Variants in CCDC3 observed in about 807,000 individuals in gnomAD.
CCDC3 encodes coiled-coil domain containing 3.
A neutral mutation model predicts 21.4 loss-of-function variants in CCDC3; 24 were observed. That is an observed-to-expected ratio of 1.12 (90% confidence interval 0.81 to 1.58). The LOEUF is 1.58. Among genes scored for constraint, CCDC3 ranks in the 40% most tolerant of loss-of-function variants. CCDC3 has a pLI of 0.00. For missense variants in CCDC3, 425 were observed against 360.9 expected (o/e 1.18, Z -1.44); for synonymous variants, 186 against 166.0 (o/e 1.12, Z -0.93).
chr10:13,033,637 A>C (rs1310838514), intron 5 of CCDC3, among the ~76,000 whole-genome samples: 1 of 152,204 alleles, frequency 6.6e-6, no homozygotes, highest in Non-Finnish European at 1.5e-5. Flanking sequence ...ACTTAAACAA[A>C]TTTACAAGAA....
chr10:12,968,320 G>A (rs901881466), intron 2 of CCDC3, among the ~76,000 whole-genome samples: 20 of 152,224 alleles, frequency 1.3e-4, no homozygotes, highest in East Asian at 1.9e-4. Context: ...AACCTAAGCC[G>A]TGAAAAAGTG....
At chr10:13,050,757 C>T (rs1564333115) in intron 4 of CCDC3, among the ~76,000 whole-genome samples, 1 of 151,956 alleles carries the variant, frequency 6.6e-6, no homozygotes, top group African/African-American at 2.4e-5. Context: ...CCGCGCCCAG[C>T]CTGTATTTAT....
chr10:13,033,603 C>G (rs1300935848), intron 5 of CCDC3, among the ~76,000 whole-genome samples: 2 of 151,942 alleles, frequency 1.3e-5, no homozygotes, highest in Admixed American at 1.3e-4. Context: ...CTGACAAAGG[C>G]CTAATATCCA....
intron 2 of CCDC3, among the ~76,000 whole-genome samples, chr10:12,951,309 T>C (rs753836441): frequency 2.0e-5 from 3 of 152,080 alleles, no homozygotes; most frequent in Non-Finnish European, 4.4e-5. Flanking sequence ...AGAGCTGTGA[T>C]TGCACCACTG....
At chr10:12,941,517 C>T (rs1343754452) in intron 2 of CCDC3, among the ~76,000 whole-genome samples, 1 of 152,154 alleles carries the variant, frequency 6.6e-6, no homozygotes, top group Admixed American at 6.5e-5. Context: ...GGGCTATGTG[C>T]ACATCTTGGC....
intron 5 of CCDC3, among the ~76,000 whole-genome samples, chr10:13,026,709 A>C (rs10906284): frequency 0.16 from 24,843 of 152,222 alleles, 2,170 homozygotes; most frequent in Admixed American, 0.24. Context: ...TCCAGCCAAA[A>C]AGCATACATG....
intron 2 of CCDC3, among the ~76,000 whole-genome samples, chr10:12,992,711 C>T (rs1453729704): frequency 6.6e-6 from 1 of 152,110 alleles, no homozygotes; most frequent in Non-Finnish European, 1.5e-5. Context: ...GTATACACTG[C>T]TCACGAGATG....
chr10:13,089,644 A>G (rs975396847), intron 3 of CCDC3, among the ~76,000 whole-genome samples: 1 of 151,988 alleles, frequency 6.6e-6, no homozygotes, highest in East Asian at 1.9e-4. Flanking sequence ...AATTGGAGGA[A>G]TTCTCTAGAA....
intron 2 of CCDC3, among the ~76,000 whole-genome samples, chr10:12,989,153 A>G (rs189037706): frequency 6.6e-6 from 1 of 152,330 alleles, no homozygotes; most frequent in Admixed American, 6.5e-5. Context: ...GCTGCCCATT[A>G]TTCAGCAGGG....
intron 4 of CCDC3, among the ~76,000 whole-genome samples, chr10:13,066,905 T>A (rs980326041): frequency 6.6e-6 from 1 of 152,168 alleles, no homozygotes; most frequent in Non-Finnish European, 1.5e-5. Context: ...AAAACCCTCC[T>A]CTGCCCACCC....
intron 3 of CCDC3, among the ~76,000 whole-genome samples, chr10:13,075,447 G>T (rs199643014): frequency 6.7e-6 from 1 of 150,154 alleles, no homozygotes; most frequent in Non-Finnish European, 1.5e-5. Flanking sequence ...TTGTTTTTTT[G>T]TTTTTTTTTT....
intron 2 of CCDC3, among the ~76,000 whole-genome samples, chr10:12,965,523 G>A (rs1171830019): frequency 6.6e-6 from 1 of 152,190 alleles, no homozygotes; most frequent in Non-Finnish European, 1.5e-5. Context: ...TACTCCCGAT[G>A]ATTGTTAGAT....
intron 2 of CCDC3, among the ~76,000 whole-genome samples, chr10:12,937,689 T>C (rs1406230879): frequency 6.6e-6 from 1 of 152,190 alleles, no homozygotes; most frequent in East Asian, 1.9e-4. Context: ...CCTTGTTCCA[T>C]AGGGACAGTA....
chr10:13,005,102 T>C (rs530299696), upstream of CCDC3, among the ~76,000 whole-genome samples: 5 of 152,306 alleles, frequency 3.3e-5, no homozygotes, highest in East Asian at 7.7e-4. Flanking sequence ...CAGCCCTCTC[T>C]TAGTCTAGAC....
At chr10:12,939,929 A>G (rs936122927) in intron 2 of CCDC3, among the ~76,000 whole-genome samples, 1 of 152,200 alleles carries the variant, frequency 6.6e-6, no homozygotes, top group African/African-American at 2.4e-5. Context: ...GAATTTCAAG[A>G]TTGTTAGCTA....
intron 2 of CCDC3, among the ~76,000 whole-genome samples, chr10:12,943,902 T>C (rs1455177557): frequency 1.3e-5 from 2 of 152,156 alleles, no homozygotes; most frequent in African/African-American, 4.8e-5. Flanking sequence ...TGGCATGAGA[T>C]GACGAATCTT....
chr10:12,948,014 C>T (rs1020611353), intron 2 of CCDC3, among the ~76,000 whole-genome samples: 4 of 152,194 alleles, frequency 2.6e-5, no homozygotes, highest in East Asian at 1.9e-4. Flanking sequence ...AGCTCTTGGT[C>T]GGTGATACAG....
chr10:12,995,758 G>A (rs1242117296), intron 2 of CCDC3, among the ~76,000 whole-genome samples: 1 of 152,132 alleles, frequency 6.6e-6, no homozygotes, highest in African/African-American at 2.4e-5. Flanking sequence ...TGTTATCTAA[G>A]AGGCCAGGGT....
At chr10:13,079,196 A>G (rs926328941) in intron 3 of CCDC3, among the ~76,000 whole-genome samples, 1 of 152,228 alleles carries the variant, frequency 6.6e-6, no homozygotes, top group Non-Finnish European at 1.5e-5. Context: ...CATTTTACAT[A>G]TAACAAAATG....
Sources: allele counts gnomAD v4.1 joint callset (sites outside exome capture counted in the v4.1 genomes callset), GRCh38; gene constraint gnomAD v4.1.1; transcripts MANE v1.5; gene names NCBI Gene and HGNC (gene_info 2026-07-23, HGNC 2026-07-21).